The following RAD51B variants were observed in gnomAD, a reference collection of about 807,000 sequenced individuals.
RAD51B encodes the protein DNA repair protein RAD51 homolog 2.
RAD51B carries 38 observed loss-of-function variants against 42.2 expected under a neutral mutation model. The ratio of observed to expected loss-of-function variants is 0.90; its 90% CI spans 0.70 to 1.18. The LOEUF is 1.18. Among genes scored for constraint, RAD51B ranks in the 50% most tolerant of loss-of-function variants. The probability of loss-of-function intolerance (pLI) is 0.00; values close to 1 mark genes in which losing one functional copy is unlikely to be tolerated. For missense variants in RAD51B, 373 were observed against 400.7 expected (o/e 0.93, Z 0.59); for synonymous variants, 154 against 145.2 (o/e 1.06, Z -0.43).
At chr14:68,071,631 T>A (rs912849176) in intron 7 of RAD51B, among the ~76,000 whole-genome samples, 2 of 152,152 alleles carry the variant, frequency 1.3e-5, no homozygotes, top group Admixed American at 6.5e-5. Context: ...ATGGATTAGC[T>A]TTTTGAGGGA....
intron 7 of RAD51B, among the ~76,000 whole-genome samples, chr14:68,098,076 G>A (rs183561494): frequency 6.2e-4 from 94 of 152,184 alleles, no homozygotes; most frequent in Non-Finnish European, 3.4e-4. Context: ...GTACAGTCTC[G>A]TGACTCTTTT....
intron 7 of RAD51B, among the ~76,000 whole-genome samples, chr14:68,092,000 G>T (rs190673659): frequency 6.6e-6 from 1 of 152,188 alleles, no homozygotes; most frequent in Non-Finnish European, 1.5e-5. Flanking sequence ...TCAAAGATCA[G>T]ATAGTTGTAG....
intron 7 of RAD51B, among the ~76,000 whole-genome samples, chr14:68,056,199 C>A (rs181218508): frequency 3.3e-5 from 5 of 152,210 alleles, no homozygotes; most frequent in Admixed American, 2.6e-4. Flanking sequence ...CGCTTTGTCA[C>A]CCAGGTTGGA....
At chr14:68,326,266 C>G (rs1439710064) in intron 8 of RAD51B, among the ~76,000 whole-genome samples, 1 of 152,026 alleles carries the variant, frequency 6.6e-6, no homozygotes, top group East Asian at 1.9e-4. Flanking sequence ...TCTTGAACTC[C>G]TGACCTCAGG....
At chr14:68,415,356 G>T (rs1312777840) in intron 9 of RAD51B, among the ~76,000 whole-genome samples, 1 of 152,134 alleles carries the variant, frequency 6.6e-6, no homozygotes, top group East Asian at 1.9e-4. Context: ...GCACAGGCTG[G>T]GTTTTGCCTT....
intron 7 of RAD51B, among the ~76,000 whole-genome samples, chr14:67,978,561 G>C (rs2075035136): frequency 6.6e-6 from 1 of 152,138 alleles, no homozygotes; most frequent in Non-Finnish European, 1.5e-5. Flanking sequence ...AAAGGTAAAA[G>C]AAGTAAAGAA....
intron 9 of RAD51B, among the ~76,000 whole-genome samples, chr14:68,454,892 C>T (rs80282763): frequency 6.6e-6 from 1 of 152,332 alleles, no homozygotes; most frequent in East Asian, 1.9e-4. Context: ...AAAGCTCCTA[C>T]ATACACCAGG....
intron 4 of RAD51B, among the ~76,000 whole-genome samples, chr14:67,849,220 G>A (rs1225655944): frequency 3.3e-5 from 5 of 151,968 alleles, no homozygotes; most frequent in South Asian, 2.1e-4. Context: ...GTTGCTTTAC[G>A]TAATCCCACA....
At chr14:67,829,133 A>G (rs2040938929) in intron 3 of RAD51B, among the ~76,000 whole-genome samples, 1 of 152,064 alleles carries the variant, frequency 6.6e-6, no homozygotes. Context: ...ATGTTTTTCC[A>G]TTTGTTTGTG....
In RAD51B at chr14:68,494,020, A is replaced by G. The variant is rs543308284; in HGVS notation, c.1036+25770A>G. Among the ~76,000 whole-genome samples the G allele has an allele frequency of 2.6e-5, 4 of 152,180 alleles. No individual in the cohort carries two copies. In the South Asian group the frequency reaches 8.3e-4, roughly 32 times the overall value. The stretch of plus-strand genomic sequence containing the variant: ...GCTGGACGCAGTGGCTCATGCCTGT[A>G]ATCCCAGCACTATGGGAGGCCGAGG... On this transcript the variant is annotated intron_variant, in intron 10 of 10. Coordinates refer to the RAD51B transcript ENST00000487270.
chr14:68,566,960 T>A (rs781353235), intron 10 of RAD51B, among the ~76,000 whole-genome samples: 1 of 152,196 alleles, frequency 6.6e-6, no homozygotes, highest in Non-Finnish European at 1.5e-5. Flanking sequence ...TTCAATATGC[T>A]TGTTTTGTTA....
At chr14:68,422,832 A>G (rs1259764496) in intron 9 of RAD51B, among the ~76,000 whole-genome samples, 1 of 151,980 alleles carries the variant, frequency 6.6e-6, no homozygotes, top group Non-Finnish European at 1.5e-5. Flanking sequence ...TGACATAGTC[A>G]CTCCTTCCTT....
chr14:68,651,301 T>C (rs1435740812), intron 11 of RAD51B, among the ~76,000 whole-genome samples: 2 of 152,160 alleles, frequency 1.3e-5, no homozygotes, highest in Admixed American at 6.5e-5. Flanking sequence ...ACCTCCCAAG[T>C]AGCTGGGACT....
intron 7 of RAD51B, among the ~76,000 whole-genome samples, chr14:67,927,705 G>A (rs2044569503): frequency 7.8e-6 from 1 of 127,690 alleles, no homozygotes; most frequent in African/African-American, 3.7e-5. Context: ...TTCATTGTAT[G>A]TGTGTGTGTG....
intron 8 of RAD51B, among the ~76,000 whole-genome samples, chr14:68,317,546 C>T (rs898953861): frequency 6.9e-6 from 1 of 145,482 alleles, no homozygotes. Context: ...CTCACTAGTC[C>T]TGCTGACACT....
chr14:67,936,333 G>T (rs11848730), intron 7 of RAD51B, among the ~76,000 whole-genome samples: 4,031 of 152,252 alleles, frequency 0.026, 178 homozygotes, highest in African/African-American at 0.092. Context: ...TTTCATGAAA[G>T]TGGAGTCATA....
chr14:68,184,441 C>T (rs1361887786), intron 7 of RAD51B, among the ~76,000 whole-genome samples: 2 of 151,590 alleles, frequency 1.3e-5, no homozygotes, highest in East Asian at 1.9e-4. Flanking sequence ...GACAGGGTTT[C>T]GCCATGTTAC....
chr14:67,841,919 G>A (rs574603567), intron 4 of RAD51B, among the ~76,000 whole-genome samples: 5 of 152,252 alleles, frequency 3.3e-5, no homozygotes, highest in Admixed American at 6.5e-5. Context: ...TGTTAGAATA[G>A]TTTTTTCTAA....
chr14:68,513,445 A>G (rs1885895638), intron 10 of RAD51B, among the ~76,000 whole-genome samples: 1 of 152,252 alleles, frequency 6.6e-6, no homozygotes, highest in East Asian at 1.9e-4. Context: ...CAAATGGGCC[A>G]TGGTGGGCTC....
Sources: gnomAD v4.1 joint callset for allele counts (sites outside exome capture counted in the v4.1 genomes callset) on GRCh38, gnomAD v4.1.1 for gene constraint, MANE v1.5 for transcripts, NCBI Gene and HGNC (gene_info 2026-07-23, HGNC 2026-07-21) for gene names.